Variants in MEIS2 observed in about 807,000 individuals in gnomAD.
MEIS2 encodes homeobox protein Meis2.
Under a neutral mutation model 58.6 loss-of-function variants are expected in MEIS2, and 9 were observed. That is an observed-to-expected ratio of 0.15 (90% CI 0.09 to 0.27). MEIS2 has a LOEUF of 0.27. MEIS2 is among the 10% of genes least tolerant of loss of function. The pLI is 1.00. For missense variants in MEIS2, 427 were observed against 635.0 expected (o/e 0.67, Z 3.52); for synonymous variants, 221 against 228.4 (o/e 0.97, Z 0.29).
At chr15:37,014,680 T>C (rs2061281866) in intron 8 of MEIS2, among the ~76,000 whole-genome samples, 1 of 152,146 alleles carries the variant, frequency 6.6e-6, no homozygotes, top group Admixed American at 6.5e-5. Context: ...CCTCTCAAGT[T>C]TGGTAACACA....
intron 7 of MEIS2, 76 bp from the exon 8 acceptor site, chr15:37,037,035 C>G: frequency 7.3e-7 from 1 of 1,378,450 alleles, no homozygotes; most frequent in Non-Finnish European, 9.8e-7. Flanking sequence ...ATGATGAGCT[C>G]AGCTAAGCTT....
At chr15:37,043,216 AAT>A (rs2062507779) in intron 7 of MEIS2, among the ~76,000 whole-genome samples, 1 of 152,236 alleles carries the variant, frequency 6.6e-6, no homozygotes, top group South Asian at 2.1e-4. Flanking sequence ...TTAATAGTTA[AAT>A]ATGTTCATAC....
chr15:37,079,933 T>TA (rs1288777131), intron 7 of MEIS2, among the ~76,000 whole-genome samples: 1 of 152,142 alleles, frequency 6.6e-6, no homozygotes, highest in African/African-American at 2.4e-5. Context: ...GCTCAGCAGT[T>TA]ACTGGGCCAA....
chr15:36,997,169 T>A (rs983729419), intron 8 of MEIS2, among the ~76,000 whole-genome samples: 7 of 152,230 alleles, frequency 4.6e-5, no homozygotes, highest in Non-Finnish European at 8.8e-5. Context: ...AGAGGAAAGA[T>A]TGCTTACTTT....
chr15:36,900,980 G>A (rs2056442266), intron 9 of MEIS2: 1 of 152,170 alleles, frequency 6.6e-6, no homozygotes, highest in Non-Finnish European at 1.5e-5. Context: ...GTTAGAAAGT[G>A]CAGGCCTCCA....
At chr15:36,946,435 A>C (rs1453297637) in intron 9 of MEIS2, among the ~76,000 whole-genome samples, 3 of 151,774 alleles carry the variant, frequency 2.0e-5, no homozygotes, top group Non-Finnish European at 2.9e-5. Context: ...AAAAAAAAAA[A>C]AAACTATCAT....
At chr15:37,038,748 G>GATA (rs2062276745) in intron 7 of MEIS2, among the ~76,000 whole-genome samples, 1 of 152,184 alleles carries the variant, frequency 6.6e-6, no homozygotes, top group Non-Finnish European at 1.5e-5. Flanking sequence ...TTCAATACTG[G>GATA]ATAATATACA....
chr15:36,939,499 T>C (rs967304995), intron 9 of MEIS2, among the ~76,000 whole-genome samples: 4 of 152,184 alleles, frequency 2.6e-5, no homozygotes, highest in South Asian at 2.1e-4. Context: ...AGTGTTGCTA[T>C]TGGGCTATGG....
intron 8 of MEIS2, among the ~76,000 whole-genome samples, chr15:37,030,253 G>A (rs1229407446): frequency 1.3e-5 from 2 of 152,078 alleles, no homozygotes; most frequent in African/African-American, 4.8e-5. Context: ...CATGACACCA[G>A]GACTCTCTAA....
intron 8 of MEIS2, among the ~76,000 whole-genome samples, chr15:37,006,248 A>C (rs2060918309): frequency 6.6e-6 from 1 of 152,226 alleles, no homozygotes; most frequent in African/African-American, 2.4e-5. Context: ...AAAAATCATT[A>C]AACTGTTGAC....
chr15:36,988,513 A>T (rs1339339103), intron 8 of MEIS2, among the ~76,000 whole-genome samples: 1 of 152,206 alleles, frequency 6.6e-6, no homozygotes, highest in Non-Finnish European at 1.5e-5. Context: ...GACAATTGCT[A>T]TGACTTTACT....
At chr15:37,042,083 C>T (rs28468979) in intron 7 of MEIS2, among the ~76,000 whole-genome samples, 8,917 of 152,068 alleles carry the variant, frequency 0.059, 350 homozygotes, top group East Asian at 0.12. Context: ...CCCAAGAGTT[C>T]GAGGCTGCAG....
intron 1 of MEIS2, 179 bp downstream of exon 1, chr15:37,099,276 A>G: frequency 6.8e-7 from 1 of 1,468,250 alleles, no homozygotes; most frequent in Non-Finnish European, 9.0e-7. Context: ...ACACTCGCAC[A>G]CACGCAGAGG....
chr15:37,051,229 A>G (rs918105050), intron 7 of MEIS2, among the ~76,000 whole-genome samples: 1 of 152,222 alleles, frequency 6.6e-6, no homozygotes, highest in Non-Finnish European at 1.5e-5. Context: ...AAAACAAACC[A>G]GTTTGAGTGG....
intron 8 of MEIS2, among the ~76,000 whole-genome samples, chr15:36,973,840 G>A (rs192846133): frequency 2.0e-5 from 3 of 151,056 alleles, no homozygotes; most frequent in East Asian, 3.9e-4. Flanking sequence ...TGAAATGTTC[G>A]TGAGATATAC....
chr15:36,998,104 C>CA (rs1270192899), intron 8 of MEIS2, among the ~76,000 whole-genome samples: 2 of 152,126 alleles, frequency 1.3e-5, no homozygotes, highest in Admixed American at 1.3e-4. Context: ...CCATTTTCCT[C>CA]ACGACGGGCT....
At chr15:36,927,543 G>A (rs2057797138) in intron 9 of MEIS2, among the ~76,000 whole-genome samples, 2 of 152,176 alleles carry the variant, frequency 1.3e-5, no homozygotes, top group South Asian at 4.1e-4. Context: ...GAGATGTTAT[G>A]TACTGTTTCA....
intron 7 of MEIS2, among the ~76,000 whole-genome samples, chr15:37,072,700 T>C (rs1890871770): frequency 6.6e-6 from 1 of 152,166 alleles, no homozygotes; most frequent in South Asian, 2.1e-4. Flanking sequence ...TATTATACTT[T>C]AAGTTTTAGG....
chr15:36,970,796 T>C (rs2059525785), intron 8 of MEIS2, among the ~76,000 whole-genome samples: 1 of 152,138 alleles, frequency 6.6e-6, no homozygotes, highest in South Asian at 2.1e-4. Flanking sequence ...AGAAATCAGA[T>C]AAATCAAACA....
Sources: allele counts gnomAD v4.1 joint callset (sites outside exome capture counted in the v4.1 genomes callset), GRCh38; gene constraint gnomAD v4.1.1; transcripts MANE v1.5; gene names NCBI Gene and HGNC (gene_info 2026-07-23, HGNC 2026-07-21).